The following IMMP2L variants were observed in gnomAD, a reference collection of about 807,000 sequenced individuals.
IMMP2L encodes inner mitochondrial membrane peptidase subunit 2, also known as mitochondrial inner membrane protease subunit 2.
IMMP2L carries 18 observed loss-of-function variants against 19.3 expected under a neutral mutation model. That is an observed-to-expected ratio of 0.93 (90% CI 0.64 to 1.38). The LOEUF (loss-of-function observed/expected upper bound fraction) is 1.38, where lower values mean the gene tolerates loss of function less well. IMMP2L is among the 40% of genes most tolerant of loss of function. The probability of loss-of-function intolerance (pLI) is 0.00; values close to 1 mark genes in which losing one functional copy is unlikely to be tolerated. For synonymous variants in IMMP2L, 76 were observed against 73.0 expected, an observed-to-expected ratio of 1.04 and a Z score of -0.21; for missense variants, 233 against 218.2, an observed-to-expected ratio of 1.07 and a Z score of -0.43.
chr7:111,482,042 A>G (rs1842236439), intron 3 of IMMP2L, among the ~76,000 whole-genome samples: 1 of 152,222 alleles, frequency 6.6e-6, no homozygotes, highest in South Asian at 2.1e-4. Context: ...TAAAACTGGA[A>G]GAAAAAGAGG....
chr7:111,146,936 C>A (rs1345543792), intron 3 of IMMP2L, among the ~76,000 whole-genome samples: 1 of 152,020 alleles, frequency 6.6e-6, no homozygotes, highest in Non-Finnish European at 1.5e-5. Context: ...TCATACGTTT[C>A]TTGGCTAAGG....
intron 4 of IMMP2L, among the ~76,000 whole-genome samples, chr7:110,909,281 A>G (rs981161123): frequency 6.6e-6 from 1 of 152,184 alleles, no homozygotes; most frequent in Non-Finnish European, 1.5e-5. Context: ...GGTATTATTT[A>G]ATCAATTGGT....
chr7:110,776,428 G>A (rs781403648), intron 5 of IMMP2L, among the ~76,000 whole-genome samples: 6 of 152,000 alleles, frequency 3.9e-5, no homozygotes, highest in African/African-American at 7.2e-5. Context: ...ACTAGGTCTC[G>A]AGTTTGCTTT....
intron 5 of IMMP2L, among the ~76,000 whole-genome samples, chr7:110,718,045 C>A (rs1795336403): frequency 6.6e-6 from 1 of 152,052 alleles, no homozygotes; most frequent in South Asian, 2.1e-4. Context: ...GAGATGAGTT[C>A]TAAACCAGAA....
rs145999307 is a variant in IMMP2L, at chr7:110,770,682, G to A, written c.409-106961C>T. Among the ~76,000 whole-genome samples the A allele has an allele frequency of 2.8e-3, 431 of 152,244 alleles. 4 individuals carry two copies. The highest frequency in any genetic ancestry group is 9.8e-3 in the African/African-American group (406 of 41,538). ...AGGAAGGTATCGAAGACTGTACTGTGTTCTTATTTGGGCAACTATTACATT... is the reference window on the plus strand; with the variant it reads ...AGGAAGGTATCGAAGACTGTACTGTATTCTTATTTGGGCAACTATTACATT... On this transcript the variant is annotated intron_variant, in intron 5 of 5. Coordinates refer to ENST00000405709, the MANE Select transcript of IMMP2L (RefSeq NM_032549.4).
At chr7:111,349,504 T>C (rs1827923471) in intron 3 of IMMP2L, among the ~76,000 whole-genome samples, 1 of 152,186 alleles carries the variant, frequency 6.6e-6, no homozygotes, top group African/African-American at 2.4e-5. Context: ...TCTCTTTAAA[T>C]TTCAAATGAT....
At chr7:111,119,997 C>G (rs111650385) in intron 3 of IMMP2L, among the ~76,000 whole-genome samples, 6,241 of 152,156 alleles carry the variant, frequency 0.041, 184 homozygotes, top group South Asian at 0.08. Flanking sequence ...TAATTTAAAA[C>G]AAAGAAAGAA....
chr7:111,399,601 A>T lies in IMMP2L; in HGVS notation c.239+87637T>A, dbSNP rs746579653. 1.7e-4 allele frequency among the ~76,000 whole-genome samples: 26 copies of T among 151,960 alleles called. 1 individual carries two copies. The highest frequency in any genetic ancestry group is 3.2e-4 in the Non-Finnish European group (22 of 67,976). On this transcript the variant is annotated intron_variant, in intron 3 of 5. Transcript: ENST00000405709. Reference sequence around the variant, plus strand: ...AACTCCTGGTCTCAAGTTATCCATCAGCCTCAGCCTCCCAAAGTGCTGGGA... The same window carrying T: ...AACTCCTGGTCTCAAGTTATCCATCTGCCTCAGCCTCCCAAAGTGCTGGGA...
intron 3 of IMMP2L, among the ~76,000 whole-genome samples, chr7:111,115,296 A>G (rs975982414): frequency 1.3e-5 from 2 of 151,258 alleles, no homozygotes; most frequent in African/African-American, 2.4e-5. Context: ...GAGACAAGTT[A>G]TGACTTAAAA....
At chr7:111,054,616 C>T (rs562931812) in intron 3 of IMMP2L, among the ~76,000 whole-genome samples, 2 of 152,152 alleles carry the variant, frequency 1.3e-5, no homozygotes, top group African/African-American at 4.8e-5. Flanking sequence ...GAAGAGAAGG[C>T]GTTTTCAAGT....
chr7:110,690,495 T>C (rs1207736531), intron 5 of IMMP2L, among the ~76,000 whole-genome samples: 1 of 151,962 alleles, frequency 6.6e-6, no homozygotes, highest in Non-Finnish European at 1.5e-5. Flanking sequence ...GCATCCGAAT[T>C]GAAAAAGGGA....
At chr7:111,546,903 A>G (rs1224501877) in intron 1 of IMMP2L, among the ~76,000 whole-genome samples, 1 of 152,224 alleles carries the variant, frequency 6.6e-6, no homozygotes, top group Admixed American at 6.5e-5. Context: ...TTAAAAATGA[A>G]ACAAAGGCCC....
chr7:110,910,033 GA>G (rs1812888797), intron 4 of IMMP2L, among the ~76,000 whole-genome samples: 1 of 152,060 alleles, frequency 6.6e-6, no homozygotes. Flanking sequence ...TTTAAGTACA[GA>G]AACTTCAGTT....
In IMMP2L at chr7:111,030,882, GTGTATATATATATATATATA is replaced by G. The variant is rs760008581; in HGVS notation, c.240-67337_240-67318del. On this transcript the variant is annotated intron_variant, in intron 3 of 5. Coordinates refer to ENST00000405709, the MANE Select transcript of IMMP2L (RefSeq NM_032549.4). ...TATGTGTGTGTATGTGTGTGTGTGT[GTGTATATATATATATATATA>G]TATATATATATATATATATATATAA... is the stretch of plus-strand genomic sequence containing the variant. Among the ~76,000 whole-genome samples the G allele has an allele frequency of 1.3e-3, 68 of 50,778 alleles. 2 individuals are homozygous for G. The highest frequency in any genetic ancestry group is 2.8e-3 in the African/African-American group (58 of 20,680). 33.3% of individuals were successfully genotyped at this position (50,778 alleles called of 152,430 possible). A position where few individuals can be genotyped will look rare whatever the true frequency, so the allele number is the denominator to read the frequency against.
At chr7:110,672,767 T>C (rs953298190) in intron 5 of IMMP2L, among the ~76,000 whole-genome samples, 7 of 152,206 alleles carry the variant, frequency 4.6e-5, no homozygotes, top group African/African-American at 1.4e-4. Context: ...TTTGACTCCA[T>C]GTCTCATATC....
At chr7:111,352,262 C>T (rs1319084564) in intron 3 of IMMP2L, among the ~76,000 whole-genome samples, 1 of 151,808 alleles carries the variant, frequency 6.6e-6, no homozygotes, top group Non-Finnish European at 1.5e-5. Flanking sequence ...GACAAAGACA[C>T]AATTATAGCC....
intron 3 of IMMP2L, among the ~76,000 whole-genome samples, chr7:111,444,115 G>A (rs1322117606): frequency 6.6e-6 from 1 of 151,984 alleles, no homozygotes; most frequent in Non-Finnish European, 1.5e-5. Context: ...GAGAAATAAG[G>A]TTGTTACTTT....
At chr7:111,251,563 A>T (rs898828329) in intron 3 of IMMP2L, among the ~76,000 whole-genome samples, 1 of 152,232 alleles carries the variant, frequency 6.6e-6, no homozygotes. Context: ...CTATGCAGCC[A>T]TAAAAAGGAA....
intron 3 of IMMP2L, among the ~76,000 whole-genome samples, chr7:111,106,919 G>A (rs1026737837): frequency 2.6e-5 from 4 of 151,756 alleles, no homozygotes; most frequent in Admixed American, 1.3e-4. Flanking sequence ...GTACCATGCA[G>A]AATGATTTGC....
Sources: gnomAD v4.1 joint callset for allele counts (sites outside exome capture counted in the v4.1 genomes callset) on GRCh38, gnomAD v4.1.1 for gene constraint, MANE v1.5 for transcripts, NCBI Gene and HGNC (gene_info 2026-07-23, HGNC 2026-07-21) for gene names.